Variants in ERBB4 observed in about 807,000 individuals in gnomAD.
ERBB4 encodes receptor tyrosine-protein kinase erbB-4.
Under a neutral mutation model 158.0 loss-of-function variants are expected in ERBB4, and 42 were observed. The ratio of observed to expected loss-of-function variants is 0.27; its 90% CI spans 0.21 to 0.34. The LOEUF (loss-of-function observed/expected upper bound fraction) is 0.34. Ranked by LOEUF, ERBB4 falls within the 10% of genes least tolerant of loss-of-function variation. The pLI, the probability that ERBB4 is intolerant of heterozygous loss-of-function variation, is 1.00. For missense variants in ERBB4, 1,333 were observed against 1,624.1 expected (o/e 0.82, Z 3.08); for synonymous variants, 583 against 558.7 (o/e 1.04, Z -0.61).
intron 1 of ERBB4, among the ~76,000 whole-genome samples, chr2:212,427,248 A>G (rs150445645): frequency 1.3e-5 from 2 of 152,302 alleles, no homozygotes; most frequent in Non-Finnish European, 2.9e-5. Flanking sequence ...TTAATGGTCC[A>G]TGTGTTTAAA....
chr2:211,419,287 T>G (rs1241195189), intron 25 of ERBB4, among the ~76,000 whole-genome samples: 1 of 152,050 alleles, frequency 6.6e-6, no homozygotes, highest in African/African-American at 2.4e-5. Flanking sequence ...TAGAACCTCA[T>G]GAAGTTTGTT....
intron 2 of ERBB4, among the ~76,000 whole-genome samples, chr2:212,022,600 T>C (rs1415558523): frequency 6.6e-6 from 1 of 152,046 alleles, no homozygotes; most frequent in African/African-American, 2.4e-5. Context: ...ACCTAGGCCA[T>C]GGTTTGATAG....
chr2:211,831,210 G>T (rs1213030171), intron 3 of ERBB4, among the ~76,000 whole-genome samples: 1 of 152,130 alleles, frequency 6.6e-6, no homozygotes, highest in Non-Finnish European at 1.5e-5. Flanking sequence ...GCTTTCCAAA[G>T]GTTTTTCAAA....
At chr2:211,715,954 T>C (rs2073881065) in intron 7 of ERBB4, among the ~76,000 whole-genome samples, 1 of 152,220 alleles carries the variant, frequency 6.6e-6, no homozygotes, top group African/African-American at 2.4e-5. Flanking sequence ...AATATTATAA[T>C]TAGTCTTATA....
intron 3 of ERBB4, among the ~76,000 whole-genome samples, chr2:211,930,488 C>T (rs1225889071): frequency 6.6e-6 from 1 of 152,040 alleles, no homozygotes; most frequent in Admixed American, 6.6e-5. Context: ...AATGCAACCC[C>T]CAAGCTTCCT....
chr2:212,195,799 G>A (rs1324598256), intron 1 of ERBB4, among the ~76,000 whole-genome samples: 2 of 152,024 alleles, frequency 1.3e-5, no homozygotes, highest in East Asian at 1.9e-4. Context: ...GAGTTACCAA[G>A]GAAACATTAA....
In ERBB4 at chr2:211,728,137, A is replaced by T. The variant is rs541287723; in HGVS notation, c.623-2943T>A. Among the ~76,000 whole-genome samples the T allele has an allele frequency of 6.6e-5, 10 of 151,892 alleles. No individual in the cohort carries two copies. The South Asian group carries it at 2.1e-3, about 32-fold the overall frequency. ...CCTGTTTAATACTGAATTTTTCCCA[A>T]TCAACTGACTCCTTATGAACCTTCA... On this transcript the variant is annotated intron_variant, in intron 5 of 27. Transcript: ENST00000342788.
chr2:212,003,696 A>C (rs2076195298), intron 2 of ERBB4, among the ~76,000 whole-genome samples: 1 of 152,218 alleles, frequency 6.6e-6, no homozygotes, highest in Admixed American at 6.5e-5. Flanking sequence ...TAAATGATTA[A>C]ACATTAACTT....
intron 1 of ERBB4, among the ~76,000 whole-genome samples, chr2:212,303,595 T>C (rs1021380894): frequency 4.6e-5 from 7 of 151,588 alleles, no homozygotes; most frequent in African/African-American, 1.7e-4. Flanking sequence ...AATTACAGTT[T>C]AATTTTGTAA....
rs113527562 is a variant in ERBB4, at chr2:212,172,552, A to G, written c.83-47649T>C. 3.4e-3 allele frequency among the ~76,000 whole-genome samples: 521 copies of G among 152,216 alleles called. 3 individuals are homozygous for G. The highest frequency in any genetic ancestry group is 0.012 in the African/African-American group (489 of 41,570). On this transcript the variant is annotated intron_variant, in intron 1 of 27. Coordinates refer to ENST00000342788, the MANE Select transcript of ERBB4 (RefSeq NM_005235.3). Reference sequence around the variant, plus strand: ...ATTGCAGATTAGATAAAGAAAATGTACATATACATTTGTATATGTGTATAT... The same window carrying G: ...ATTGCAGATTAGATAAAGAAAATGTGCATATACATTTGTATATGTGTATAT...
intron 16 of ERBB4, among the ~76,000 whole-genome samples, chr2:211,646,269 T>G (rs912828850): frequency 1.3e-5 from 2 of 151,484 alleles, no homozygotes; most frequent in Non-Finnish European, 3.0e-5. Flanking sequence ...ACTTTTGTAA[T>G]TTTAAATTTT....
At chr2:211,799,737 C>T (rs1379759856) in intron 3 of ERBB4, among the ~76,000 whole-genome samples, 1 of 152,060 alleles carries the variant, frequency 6.6e-6, no homozygotes, top group Non-Finnish European at 1.5e-5. Flanking sequence ...TATATGTTGA[C>T]CACAGTGTCT....
intron 3 of ERBB4, among the ~76,000 whole-genome samples, chr2:211,936,281 T>C (rs2080319799): frequency 6.6e-6 from 1 of 151,996 alleles, no homozygotes; most frequent in African/African-American, 2.4e-5. Context: ...CATAGTAAAT[T>C]GAAAATCAAA....
intron 1 of ERBB4, among the ~76,000 whole-genome samples, chr2:212,191,973 GTTATATA>G (rs1305828355): frequency 3.1e-5 from 3 of 95,364 alleles, no homozygotes; most frequent in African/African-American, 1.2e-4. Context: ...TATGTTATAT[GTTATATA>G]TGTTATATGT....
At chr2:212,296,113 G>A (rs1330558544) in intron 1 of ERBB4, among the ~76,000 whole-genome samples, 1 of 151,844 alleles carries the variant, frequency 6.6e-6, no homozygotes, top group African/African-American at 2.4e-5. Flanking sequence ...TTGAGCATTC[G>A]ATAGGTGAAG....
At chr2:212,420,381 T>C (rs184556327) in intron 1 of ERBB4, among the ~76,000 whole-genome samples, 107 of 152,240 alleles carry the variant, frequency 7.0e-4, no homozygotes, top group African/African-American at 2.4e-3. Flanking sequence ...AAATCTTAGG[T>C]CACATACATT....
At chr2:212,501,262 C>G (rs1690873596) in intron 1 of ERBB4, among the ~76,000 whole-genome samples, 1 of 152,172 alleles carries the variant, frequency 6.6e-6, no homozygotes, top group African/African-American at 2.4e-5. Context: ...CCCAAAAGTT[C>G]TCTGTGGTGA....
intron 2 of ERBB4, among the ~76,000 whole-genome samples, chr2:212,105,466 G>T (rs1553559603): frequency 6.6e-6 from 1 of 152,038 alleles, no homozygotes; most frequent in Non-Finnish European, 1.5e-5. Context: ...GAGAAACAAA[G>T]AATTCCTAAG....
chr2:212,251,425 A>C (rs1222946400), intron 1 of ERBB4, among the ~76,000 whole-genome samples: 3 of 152,062 alleles, frequency 2.0e-5, no homozygotes, highest in Non-Finnish European at 4.4e-5. Context: ...CAAGTACCTC[A>C]TATCGTAGTG....
Sources: gnomAD v4.1 joint callset for allele counts (sites outside exome capture counted in the v4.1 genomes callset) on GRCh38, gnomAD v4.1.1 for gene constraint, MANE v1.5 for transcripts, NCBI Gene and HGNC (gene_info 2026-07-23, HGNC 2026-07-21) for gene names.